The following GALNT13 variants were observed in gnomAD, a reference collection of about 807,000 sequenced individuals.
GALNT13 encodes the protein UDP-GalNAc:polypeptide N-acetylgalactosaminyltransferase 13.
Under a neutral mutation model 64.2 loss-of-function variants are expected in GALNT13, and 28 were observed. The observed-to-expected ratio is 0.44, with a 90% CI of 0.32 to 0.60. The LOEUF (loss-of-function observed/expected upper bound fraction) is 0.60. Among genes scored for constraint, GALNT13 ranks in the 20% least tolerant of loss-of-function variants. The pLI, the probability that GALNT13 is intolerant of heterozygous loss-of-function variation, is 0.05. For missense variants in GALNT13, 577 were observed against 669.8 expected, an observed-to-expected ratio of 0.86 and a Z score of 1.53; for synonymous variants, 214 against 224.6, an observed-to-expected ratio of 0.95 and a Z score of 0.42.
chr2:153,654,594 C>G, the GALNT13 span, among the ~76,000 whole-genome samples: 1 of 151,974 alleles, frequency 6.6e-6, no homozygotes, highest in Non-Finnish European at 1.5e-5. Context: ...CAGTCCACAT[C>G]TGAGGATTCA....
At chr2:153,225,433 G>A in the GALNT13 span, among the ~76,000 whole-genome samples, 1 of 152,126 alleles carries the variant, frequency 6.6e-6, no homozygotes, top group Non-Finnish European at 1.5e-5. Flanking sequence ...TGGGAACAAG[G>A]CAAGGTTGTC....
chr2:153,982,886 C>T (rs1280569822), intron 3 of GALNT13, among the ~76,000 whole-genome samples: 3 of 151,700 alleles, frequency 2.0e-5, no homozygotes, highest in African/African-American at 7.3e-5. Context: ...TTTTCTCTGC[C>T]GTGGTGCTGA....
the GALNT13 span, among the ~76,000 whole-genome samples, chr2:153,258,008 C>A: frequency 6.6e-6 from 1 of 152,042 alleles, no homozygotes; most frequent in Non-Finnish European, 1.5e-5. Context: ...CCAGGAGCCC[C>A]AAATTATCTT....
chr2:153,836,957 G>A, the GALNT13 span, among the ~76,000 whole-genome samples: 18 of 152,028 alleles, frequency 1.2e-4, no homozygotes, highest in East Asian at 1.9e-4. Context: ...GAATAGTGCC[G>A]CAATAAACAT....
chr2:153,674,977 A>C, the GALNT13 span, among the ~76,000 whole-genome samples: 25,259 of 152,184 alleles, frequency 0.17, 2,687 homozygotes, highest in East Asian at 0.5. Flanking sequence ...AGAGAAATGC[A>C]AATCAAAACC....
At chr2:153,582,836 A>T in the GALNT13 span, among the ~76,000 whole-genome samples, 65 of 152,288 alleles carry the variant, frequency 4.3e-4, 1 homozygote, top group South Asian at 0.013. Context: ...AGCTTTTTAA[A>T]TGTTATATTG....
At chr2:154,161,051 A>G (rs1684698224) in intron 4 of GALNT13, among the ~76,000 whole-genome samples, 1 of 152,212 alleles carries the variant, frequency 6.6e-6, no homozygotes, top group African/African-American at 2.4e-5. Flanking sequence ...ACAGTATACA[A>G]GCCTCAAAGT....
At chr2:153,441,003 T>C in the GALNT13 span, among the ~76,000 whole-genome samples, 2 of 152,224 alleles carry the variant, frequency 1.3e-5, no homozygotes, top group Non-Finnish European at 2.9e-5. Flanking sequence ...TTTGGTGTTT[T>C]AGTCATGAAG....
At chr2:153,938,706 G>T (rs2105372309) in intron 2 of GALNT13, among the ~76,000 whole-genome samples, 1 of 152,248 alleles carries the variant, frequency 6.6e-6, no homozygotes, top group Admixed American at 6.5e-5. Context: ...TCTTTTTGTG[G>T]TTGGTAAATG....
At chr2:153,254,316 C>G in the GALNT13 span, among the ~76,000 whole-genome samples, 1 of 133,484 alleles carries the variant, frequency 7.5e-6, no homozygotes, top group Non-Finnish European at 1.7e-5. Context: ...GTGGTGATAT[C>G]CCCTTTATCA....
chr2:154,301,119 A>G (rs1395339667), intron 8 of GALNT13, among the ~76,000 whole-genome samples: 1 of 152,326 alleles, frequency 6.6e-6, no homozygotes, highest in African/African-American at 2.4e-5. Context: ...TACCAAATCT[A>G]CTAACTAGCA....
At chr2:154,134,850 G>T (rs980264186) in intron 3 of GALNT13, among the ~76,000 whole-genome samples, 12 of 152,230 alleles carry the variant, frequency 7.9e-5, no homozygotes, top group African/African-American at 2.9e-4. Context: ...AAATTAGCTG[G>T]TGACGGGCAC....
At chr2:154,312,590 A>G (rs1281788895) in intron 9 of GALNT13, among the ~76,000 whole-genome samples, 1 of 152,226 alleles carries the variant, frequency 6.6e-6, no homozygotes, top group Non-Finnish European at 1.5e-5. Context: ...ATACAAAAAG[A>G]TATTTTAAAA....
the GALNT13 span, among the ~76,000 whole-genome samples, chr2:153,651,977 T>A: frequency 2.0e-5 from 3 of 152,172 alleles, no homozygotes. Context: ...CCTGTAAGCT[T>A]CCCGGGTACT....
At chr2:153,441,914 C>G in the GALNT13 span, among the ~76,000 whole-genome samples, 1 of 152,162 alleles carries the variant, frequency 6.6e-6, no homozygotes, top group Non-Finnish European at 1.5e-5. Context: ...TTGACTTCCT[C>G]TCTTCCCATT....
chr2:153,737,807 A>G, the GALNT13 span, among the ~76,000 whole-genome samples: 6 of 151,988 alleles, frequency 3.9e-5, no homozygotes, highest in African/African-American at 1.2e-4. Context: ...TAATTACCTC[A>G]TGGGTTTTTT....
intron 3 of GALNT13, among the ~76,000 whole-genome samples, chr2:153,973,331 A>T (rs1693865227): frequency 6.6e-6 from 1 of 152,012 alleles, no homozygotes; most frequent in African/African-American, 2.4e-5. Context: ...TGTCAACATC[A>T]TCCTATCTGC....
In GALNT13 at chr2:154,322,055, A is replaced by G. The variant is rs72855833; in HGVS notation, c.1156+20466A>G. Among the ~76,000 whole-genome samples the G allele has an allele frequency of 3.6e-3, 544 of 151,400 alleles. 4 individuals are homozygous for G. The highest frequency in any genetic ancestry group is 0.014 in the Middle Eastern group (4 of 290). On this transcript the variant is annotated intron_variant, in intron 9 of 12. Coordinates refer to ENST00000392825, the MANE Select transcript of GALNT13 (RefSeq NM_052917.4). ...GCTTTGGTTCCCATTTATGGAATTC[A>G]CAGGAGTCTAAGACCAAAGGCCTAG... is the stretch of plus-strand genomic sequence containing the variant.
chr2:153,257,137 C>T, the GALNT13 span, among the ~76,000 whole-genome samples: 2 of 152,212 alleles, frequency 1.3e-5, no homozygotes, highest in South Asian at 4.1e-4. Flanking sequence ...GAGCCAGGTG[C>T]CGGATATAAT....
Sources: allele counts gnomAD v4.1 joint callset (sites outside exome capture counted in the v4.1 genomes callset), GRCh38; gene constraint gnomAD v4.1.1; transcripts MANE v1.5; gene names NCBI Gene and HGNC (gene_info 2026-07-23, HGNC 2026-07-21).